Variants in AFG2A observed in about 807,000 individuals in gnomAD.
AFG2A encodes ATPase family gene 2 protein homolog A.
the AFG2A span, among the ~76,000 whole-genome samples, chr4:123,271,858 C>A: frequency 1.3e-5 from 1 of 74,508 alleles, no homozygotes; most frequent in Admixed American, 1.6e-4. Context: ...GAGTATTATT[C>A]CTAATATGTT....
the AFG2A span, among the ~76,000 whole-genome samples, chr4:123,075,945 G>A: frequency 1.4e-5 from 2 of 141,422 alleles, no homozygotes; most frequent in Admixed American, 7.3e-5. Context: ...CAACAAGGGC[G>A]AAACTCCATC....
the AFG2A span, among the ~76,000 whole-genome samples, chr4:123,047,794 C>T: frequency 6.6e-6 from 1 of 151,956 alleles, no homozygotes; most frequent in Non-Finnish European, 1.5e-5. Context: ...CCTTGAACTC[C>T]AGGGTTCAAG....
At chr4:123,147,045 A>G in the AFG2A span, among the ~76,000 whole-genome samples, 1 of 152,166 alleles carries the variant, frequency 6.6e-6, no homozygotes, top group Non-Finnish European at 1.5e-5. Context: ...ACATTTTATG[A>G]TAAACTTGAT....
At chr4:123,023,166 C>T in the AFG2A span, among the ~76,000 whole-genome samples, 505 of 150,556 alleles carry the variant, frequency 3.4e-3, 3 homozygotes, top group Middle Eastern at 0.014. Flanking sequence ...GCACATGTAC[C>T]CTAAAACTTA....
chr4:123,169,842 A>G, the AFG2A span, among the ~76,000 whole-genome samples: 1 of 152,196 alleles, frequency 6.6e-6, no homozygotes, highest in South Asian at 2.1e-4. Context: ...TCTGTAATAT[A>G]TGTAACCTAA....
the AFG2A span, among the ~76,000 whole-genome samples, chr4:123,283,445 A>G: frequency 6.6e-6 from 1 of 152,090 alleles, no homozygotes; most frequent in African/African-American, 2.4e-5. Context: ...GTTTTCTACC[A>G]TTACCATCTT....
the AFG2A span, among the ~76,000 whole-genome samples, chr4:123,254,053 G>A: frequency 0.78 from 118,334 of 152,002 alleles, 46,814 homozygotes; most frequent in Non-Finnish European, 0.85. Flanking sequence ...GTTACTTTGG[G>A]TTATTTTCTT....
the AFG2A span, among the ~76,000 whole-genome samples, chr4:123,020,748 A>G: frequency 6.6e-6 from 1 of 152,138 alleles, no homozygotes; most frequent in Non-Finnish European, 1.5e-5. Flanking sequence ...TCTATAATTC[A>G]TTTAATAGTT....
chr4:123,155,807 A>G, the AFG2A span, among the ~76,000 whole-genome samples: 1 of 152,304 alleles, frequency 6.6e-6, no homozygotes, highest in East Asian at 1.9e-4. Flanking sequence ...CATGAATACC[A>G]GAGAATAGTA....
At chr4:122,959,789 C>T in the AFG2A span, among the ~76,000 whole-genome samples, 11 of 152,204 alleles carry the variant, frequency 7.2e-5, no homozygotes, top group South Asian at 2.1e-4. Context: ...AGTGATAATG[C>T]GTCTTTTACA....
At chr4:123,066,199 T>C in the AFG2A span, among the ~76,000 whole-genome samples, 1 of 152,132 alleles carries the variant, frequency 6.6e-6, no homozygotes, top group Admixed American at 6.5e-5. Flanking sequence ...CGTTTTAAAA[T>C]AATAATCAGG....
the AFG2A span, among the ~76,000 whole-genome samples, chr4:122,988,894 G>C: frequency 2.6e-5 from 4 of 152,048 alleles, no homozygotes; most frequent in Admixed American, 2.6e-4. Flanking sequence ...CTGTTGTATT[G>C]TCTGCTGTTG....
the AFG2A span, among the ~76,000 whole-genome samples, chr4:123,068,085 G>A: frequency 1.3e-5 from 2 of 152,116 alleles, no homozygotes; most frequent in South Asian, 2.1e-4. Context: ...TATATTAGCT[G>A]TACATTTTCC....
At chr4:122,974,181 C>A in the AFG2A span, among the ~76,000 whole-genome samples, 21 of 151,724 alleles carry the variant, frequency 1.4e-4, no homozygotes, top group Non-Finnish European at 5.9e-5. Flanking sequence ...CTTTTAAAAA[C>A]CACATATTGC....
chr4:123,268,735 T>C, the AFG2A span, among the ~76,000 whole-genome samples: 1 of 152,188 alleles, frequency 6.6e-6, no homozygotes, highest in Admixed American at 6.5e-5. Flanking sequence ...TTTATCTTCA[T>C]GCATGTCTTT....
At chr4:122,924,382 A>T in the AFG2A span, among the ~76,000 whole-genome samples, 4 of 152,128 alleles carry the variant, frequency 2.6e-5, no homozygotes, top group African/African-American at 9.7e-5. Flanking sequence ...CCATCATTCC[A>T]TGGAAACTGT....
chr4:123,001,780 G>C, the AFG2A span, among the ~76,000 whole-genome samples: 1 of 152,160 alleles, frequency 6.6e-6, no homozygotes, highest in Non-Finnish European at 1.5e-5. Context: ...TGTATATTCT[G>C]TTGATTTGGG....
the AFG2A span, among the ~76,000 whole-genome samples, chr4:123,109,775 G>A: frequency 1.3e-5 from 2 of 152,068 alleles, no homozygotes; most frequent in African/African-American, 4.8e-5. Flanking sequence ...TGCAAGGGAA[G>A]CATTTTTGTC....
At chr4:122,936,160 C>G in the AFG2A span, 1 of 1,594,934 alleles carries the variant, frequency 6.3e-7, no homozygotes, top group South Asian at 1.2e-5. Context: ...CTCTACGGTA[C>G]TCTTTATTTT....
Sources: allele counts gnomAD v4.1 joint callset (sites outside exome capture counted in the v4.1 genomes callset), GRCh38; gene constraint gnomAD v4.1.1; transcripts MANE v1.5; gene names NCBI Gene and HGNC (gene_info 2026-07-23, HGNC 2026-07-21).